CBFA2T2: variants seen among roughly 807,000 people sequenced by gnomAD.
The protein encoded by CBFA2T2 is protein CBFA2T2.
CBFA2T2 carries 11 observed loss-of-function variants against 62.2 expected under a neutral mutation model. That is an observed-to-expected ratio of 0.18 (90% CI 0.11 to 0.29). The LOEUF is 0.29. Ranked by LOEUF, CBFA2T2 falls within the 10% of genes least tolerant of loss-of-function variation. CBFA2T2 has a pLI of 1.00. For missense variants in CBFA2T2, 592 were observed against 774.1 expected, an observed-to-expected ratio of 0.76 and a Z score of 2.79; for synonymous variants, 295 against 287.5, an observed-to-expected ratio of 1.03 and a Z score of -0.27.
intron 1 of CBFA2T2, among the ~76,000 whole-genome samples, chr20:33,511,419 C>T (rs2011509319): frequency 6.6e-6 from 1 of 152,016 alleles, no homozygotes. Context: ...TTGTTTTTGT[C>T]GGGTTTGTCA....
intron 1 of CBFA2T2, among the ~76,000 whole-genome samples, chr20:33,596,818 C>A (rs1033577074): frequency 1.3e-5 from 2 of 151,960 alleles, no homozygotes. Context: ...TTCAGTTGCT[C>A]TTTCCCCATT....
intron 8 of CBFA2T2, among the ~76,000 whole-genome samples, chr20:33,634,510 A>C (rs1468073397): frequency 2.0e-5 from 3 of 151,968 alleles, no homozygotes; most frequent in Non-Finnish European, 4.4e-5. Flanking sequence ...TGTCTCTACA[A>C]AAAATATGAA....
chr20:33,536,725 A>G (rs976278651), intron 1 of CBFA2T2, among the ~76,000 whole-genome samples: 30 of 150,342 alleles, frequency 2.0e-4, no homozygotes, highest in Non-Finnish European at 3.7e-4. Flanking sequence ...CTCACATCCC[A>G]GACGGGGCGG....
intron 2 of CBFA2T2, 100 bp downstream of exon 2, chr20:33,607,199 C>T (rs1445988599): frequency 6.4e-6 from 7 of 1,093,170 alleles, no homozygotes; most frequent in Non-Finnish European, 8.9e-6. Context: ...TCAGTGTTTT[C>T]AAAGTACTAT....
intron 1 of CBFA2T2, among the ~76,000 whole-genome samples, chr20:33,506,058 C>A (rs1236077658): frequency 2.6e-5 from 4 of 151,782 alleles, no homozygotes; most frequent in Non-Finnish European, 5.9e-5. Flanking sequence ...CCACTGCACT[C>A]CAACCTAGGG....
chr20:33,564,950 C>G (rs191428690), intron 1 of CBFA2T2, among the ~76,000 whole-genome samples: 1 of 152,040 alleles, frequency 6.6e-6, no homozygotes, highest in Non-Finnish European at 1.5e-5. Context: ...GACGGAGTCT[C>G]GCTCTGTCAC....
At chr20:33,591,467 C>CAAAAAAAAA (rs11475752) in intron 1 of CBFA2T2, among the ~76,000 whole-genome samples, 92 of 97,806 alleles carry the variant, frequency 9.4e-4, no homozygotes, top group Non-Finnish European at 1.5e-3. Context: ...GAGTAAATCT[C>CAAAAAAAAA]AAAAAAAAAA....
chr20:33,619,528 G>T lies in CBFA2T2; in HGVS notation c.432G>T (p.Val144=). The change falls in exon 4 of 11, where the codon GTG becomes GTT. Residue 144 remains valine (V), a synonymous_variant. Transcript: ENST00000342704. ...TLVLALVNST[V]TIEEFHCKLQ... is the part of the protein sequence containing the mutation. ...ATTTATCTTTTCAGAACTCAACAGTGACAATTGAGGAATTCCACTGTAAGC... is the reference window on the plus strand; with the variant it reads ...ATTTATCTTTTCAGAACTCAACAGTTACAATTGAGGAATTCCACTGTAAGC... 6.3e-7 allele frequency: 1 copy of T among 1,598,756 alleles called. No homozygotes were observed. The highest frequency in any genetic ancestry group is 2.3e-5 in the East Asian group (1 of 43,842).
At chr20:33,560,187 A>T (rs6120303) in intron 1 of CBFA2T2, among the ~76,000 whole-genome samples, 1 of 152,234 alleles carries the variant, frequency 6.6e-6, no homozygotes, top group East Asian at 1.9e-4. Context: ...GATACCGGCT[A>T]TTGGCAAGAT....
chr20:33,590,373 C>T (rs893099567), intron 1 of CBFA2T2, among the ~76,000 whole-genome samples: 1 of 151,962 alleles, frequency 6.6e-6, no homozygotes, highest in Non-Finnish European at 1.5e-5. Context: ...AAACAGAGGG[C>T]TTAATTAGCG....
At chr20:33,604,762 G>A (rs2015274636) in intron 1 of CBFA2T2, among the ~76,000 whole-genome samples, 1 of 152,196 alleles carries the variant, frequency 6.6e-6, no homozygotes, top group East Asian at 1.9e-4. Flanking sequence ...CCTCTAGGTT[G>A]TTGCACACTG....
chr20:33,525,939 C>G (rs1026314467), intron 1 of CBFA2T2, among the ~76,000 whole-genome samples: 3 of 151,964 alleles, frequency 2.0e-5, no homozygotes, highest in Non-Finnish European at 4.4e-5. Flanking sequence ...CAGGTGTGAG[C>G]CACTGCACCT....
intron 1 of CBFA2T2, among the ~76,000 whole-genome samples, chr20:33,603,109 T>C (rs745705231): frequency 3.7e-4 from 56 of 152,192 alleles, no homozygotes; most frequent in Non-Finnish European, 2.4e-4. Context: ...TGGGTGACTG[T>C]AGGTAACTGA....
At chr20:33,498,938 G>T (rs1455992645) in intron 1 of CBFA2T2, among the ~76,000 whole-genome samples, 2 of 151,872 alleles carry the variant, frequency 1.3e-5, no homozygotes, top group Non-Finnish European at 2.9e-5. Context: ...AGCTACTCAG[G>T]AGGCTGAGGC....
intron 6 of CBFA2T2, 43 bp from the exon 7 acceptor site, chr20:33,628,307 G>A: frequency 7.2e-7 from 1 of 1,397,948 alleles, no homozygotes; most frequent in Non-Finnish European, 1.0e-6. Context: ...CTTCTATTGT[G>A]TTTTTCCTGC....
chr20:33,596,390 G>T (rs2014887562), intron 1 of CBFA2T2, among the ~76,000 whole-genome samples: 1 of 152,134 alleles, frequency 6.6e-6, no homozygotes, highest in Non-Finnish European at 1.5e-5. Flanking sequence ...GGTTTAAAAA[G>T]GCATTTTATT....
At chr20:33,562,755 C>A in intron 1 of CBFA2T2, 1 of 778,790 alleles carries the variant, frequency 1.3e-6, no homozygotes, top group Non-Finnish European at 1.6e-6. Context: ...TTTCAAATTA[C>A]GATGATATGA....
intron 1 of CBFA2T2, among the ~76,000 whole-genome samples, chr20:33,542,648 CAGA>C (rs1300544814): frequency 6.6e-6 from 1 of 152,084 alleles, no homozygotes; most frequent in Non-Finnish European, 1.5e-5. Context: ...TAGGAACTAA[CAGA>C]AGAAGTCTTT....
intron 1 of CBFA2T2, among the ~76,000 whole-genome samples, chr20:33,498,699 GC>G: frequency 6.6e-6 from 1 of 152,078 alleles, no homozygotes; most frequent in East Asian, 1.9e-4. Flanking sequence ...CAGTGATAGT[GC>G]CACTGCACTC....
Sources: gnomAD v4.1 joint callset for allele counts (sites outside exome capture counted in the v4.1 genomes callset) on GRCh38, gnomAD v4.1.1 for gene constraint, MANE v1.5 for transcripts, NCBI Gene and HGNC (gene_info 2026-07-23, HGNC 2026-07-21) for gene names.